Variants in MAF observed in about 807,000 individuals in gnomAD.
MAF encodes the protein transcription factor Maf.
In MAF, 10 loss-of-function variants were observed where a neutral mutation model predicts 22.0. The observed-to-expected ratio is 0.45, with a 90% CI of 0.28 to 0.77. MAF has a LOEUF of 0.77. Among genes scored for constraint, MAF ranks in the 30% least tolerant of loss-of-function variants. The pLI is 0.12. For synonymous variants in MAF, 337 were observed against 255.8 expected, an observed-to-expected ratio of 1.32 and a Z score of -3.03; for missense variants, 544 against 548.4, an observed-to-expected ratio of 0.99 and a Z score of 0.08.
chr16:79,305,149 G>A, the MAF span, among the ~76,000 whole-genome samples: 2 of 152,234 alleles, frequency 1.3e-5, no homozygotes, highest in Non-Finnish European at 2.9e-5. Context: ...CAGGCCAGGG[G>A]CTGGTCCCAG....
At chr16:79,400,822 C>G in the MAF span, among the ~76,000 whole-genome samples, 1 of 152,236 alleles carries the variant, frequency 6.6e-6, no homozygotes, top group Non-Finnish European at 1.5e-5. Flanking sequence ...GACTTTCAAC[C>G]TTTTGTTATT....
At chr16:79,281,533 C>A in the MAF span, among the ~76,000 whole-genome samples, 6 of 149,736 alleles carry the variant, frequency 4.0e-5, no homozygotes, top group Non-Finnish European at 5.9e-5. Flanking sequence ...TGAGAAAGCT[C>A]ACTCTTTGAA....
the MAF span, among the ~76,000 whole-genome samples, chr16:79,355,503 C>G: frequency 2.6e-5 from 4 of 152,308 alleles, no homozygotes; most frequent in African/African-American, 9.6e-5. Context: ...AGAGAAGGAG[C>G]CTGGAATTTG....
the MAF span, among the ~76,000 whole-genome samples, chr16:79,357,032 G>A: frequency 3.3e-5 from 5 of 152,198 alleles, no homozygotes; most frequent in South Asian, 2.1e-4. Context: ...CAAGGCAGCT[G>A]GATCATCTGA....
At chr16:79,323,531 G>T in the MAF span, among the ~76,000 whole-genome samples, 1 of 152,204 alleles carries the variant, frequency 6.6e-6, no homozygotes, top group African/African-American at 2.4e-5. Flanking sequence ...GAGACAATGT[G>T]AGTGAAGATG....
chr16:79,456,257 G>A, the MAF span, among the ~76,000 whole-genome samples: 2 of 152,154 alleles, frequency 1.3e-5, no homozygotes, highest in East Asian at 3.9e-4. Flanking sequence ...CAGGATTTAT[G>A]GGGAGCGATC....
the MAF span, among the ~76,000 whole-genome samples, chr16:79,538,592 G>A: frequency 6.6e-6 from 1 of 152,022 alleles, no homozygotes; most frequent in Admixed American, 6.6e-5. Flanking sequence ...ATAATTAAAA[G>A]GCCAGAGATA....
the MAF span, among the ~76,000 whole-genome samples, chr16:79,546,131 G>T: frequency 1.3e-5 from 2 of 151,936 alleles, no homozygotes; most frequent in Non-Finnish European, 2.9e-5. Flanking sequence ...TCATCAAAAG[G>T]TTAAAGAGAT....
At chr16:79,510,251 T>C in the MAF span, among the ~76,000 whole-genome samples, 1 of 152,230 alleles carries the variant, frequency 6.6e-6, no homozygotes, top group Non-Finnish European at 1.5e-5. Flanking sequence ...CCTATTTTTA[T>C]TGAACATATA....
At chr16:79,330,424 G>A in the MAF span, among the ~76,000 whole-genome samples, 1 of 152,158 alleles carries the variant, frequency 6.6e-6, no homozygotes, top group Non-Finnish European at 1.5e-5. Context: ...CTGAGTCTTG[G>A]AAATCCAGGC....
chr16:79,452,066 CATTT>C, the MAF span, among the ~76,000 whole-genome samples: 10 of 152,166 alleles, frequency 6.6e-5, no homozygotes, highest in African/African-American at 2.4e-4. Flanking sequence ...CAGCCACATT[CATTT>C]GTTTACATAT....
the MAF span, chr16:79,212,008 GC>G: frequency 1.3e-6 from 2 of 1,536,260 alleles, no homozygotes; most frequent in Non-Finnish European, 1.7e-6. Context: ...GCTGGGCTAG[GC>G]ATAGGTCTCT....
chr16:79,390,010 T>TA, the MAF span, among the ~76,000 whole-genome samples: 135 of 118,132 alleles, frequency 1.1e-3, no homozygotes, highest in African/African-American at 4.0e-3. Flanking sequence ...AAAATTAAAA[T>TA]AAAAAAAAAT....
the MAF span, among the ~76,000 whole-genome samples, chr16:79,227,756 A>G: frequency 6.0e-4 from 91 of 152,132 alleles, no homozygotes; most frequent in African/African-American, 2.1e-3. Flanking sequence ...AAAATAATAC[A>G]TTTTACGCTA....
chr16:79,216,356 T>A, the MAF span, among the ~76,000 whole-genome samples: 1 of 152,250 alleles, frequency 6.6e-6, no homozygotes, highest in East Asian at 1.9e-4. Flanking sequence ...ATTGCATATA[T>A]ATGTGTATAT....
At chr16:79,319,622 T>G in the MAF span, among the ~76,000 whole-genome samples, 1 of 152,170 alleles carries the variant, frequency 6.6e-6, no homozygotes, top group African/African-American at 2.4e-5. Context: ...TTCTTGGCAT[T>G]TCTCTGATTA....
At chr16:79,253,078 G>T in the MAF span, among the ~76,000 whole-genome samples, 1 of 152,156 alleles carries the variant, frequency 6.6e-6, no homozygotes, top group Non-Finnish European at 1.5e-5. Context: ...GCACATGGTG[G>T]TCACCCTCAC....
the MAF span, among the ~76,000 whole-genome samples, chr16:79,465,955 C>A: frequency 6.6e-6 from 1 of 152,148 alleles, no homozygotes; most frequent in Non-Finnish European, 1.5e-5. Context: ...TTTTGCAGAT[C>A]TCTTGGGCTT....
At chr16:79,387,899 T>A in the MAF span, among the ~76,000 whole-genome samples, 1 of 152,210 alleles carries the variant, frequency 6.6e-6, no homozygotes, top group South Asian at 2.1e-4. Context: ...AGGGCAGAAG[T>A]TTTATTCAAT....
Sources: allele counts gnomAD v4.1 joint callset (sites outside exome capture counted in the v4.1 genomes callset), GRCh38; gene constraint gnomAD v4.1.1; transcripts MANE v1.5; gene names NCBI Gene and HGNC (gene_info 2026-07-23, HGNC 2026-07-21).